The following BTBD8 variants were observed in gnomAD, a reference collection of about 807,000 sequenced individuals.
BTBD8 encodes the protein BTB domain containing 8, also known as BTB/POZ domain-containing protein 8.
Under a neutral mutation model 162.9 loss-of-function variants are expected in BTBD8, and 110 were observed. The observed-to-expected ratio is 0.68, with a 90% CI of 0.58 to 0.79. BTBD8 has a LOEUF of 0.79. Among genes scored for constraint, BTBD8 ranks in the 30% least tolerant of loss-of-function variants. BTBD8 has a pLI of 0.00. For missense variants in BTBD8, 1,905 were observed against 2,085.4 expected, an observed-to-expected ratio of 0.91 and a Z score of 1.68; for synonymous variants, 667 against 716.1, an observed-to-expected ratio of 0.93 and a Z score of 1.10.
chr1:92,141,769 G>C (rs943773695), intron 7 of BTBD8, among the ~76,000 whole-genome samples: 12 of 151,978 alleles, frequency 7.9e-5, no homozygotes, highest in Non-Finnish European at 1.8e-4. Flanking sequence ...GATTACCCAT[G>C]GTTTTAATAC....
chr1:92,177,319 T>C lies in BTBD8; in HGVS notation c.2126T>C (p.Leu709Ser). ...NLNVQAKAKP[L>S]KKATGKDSPC... ...AATGTGCAAGCCAAAGCAAAGCCTT[T>C]GAAGAAAGCTACAGGGAAGGATTCA... is the stretch of plus-strand genomic sequence containing the variant. The change falls in exon 14 of 18, where the codon TTG becomes TCG. Residue 709 changes from leucine (L) to serine (S), a missense_variant. Physicochemically the swap from Leu to Ser is moderately radical, Grantham distance 145. Coordinates refer to ENST00000636805, the MANE Select transcript of BTBD8 (RefSeq NM_001376131.1). 1 of 1,551,908 alleles carries C rather than the reference T, an allele frequency of 6.4e-7. No individual in the cohort carries two copies. Among genetic ancestry groups the C allele is most frequent in the Admixed American group, 2.0e-5 (1 of 51,008 alleles).
intron 9 of BTBD8, among the ~76,000 whole-genome samples, chr1:92,162,074 G>A (rs531289630): frequency 6.6e-6 from 1 of 151,426 alleles, no homozygotes; most frequent in South Asian, 2.1e-4. Context: ...TCTACCACTT[G>A]AAAAACAGTG....
intron 7 of BTBD8, among the ~76,000 whole-genome samples, chr1:92,142,802 A>G (rs1375772246): frequency 1.3e-5 from 2 of 152,254 alleles, no homozygotes; most frequent in Non-Finnish European, 2.9e-5. Context: ...TAAAGGAGCC[A>G]TTACATCAAT....
intron 1 of BTBD8, among the ~76,000 whole-genome samples, chr1:92,082,338 A>G (rs1648040229): frequency 6.6e-6 from 1 of 152,254 alleles, no homozygotes; most frequent in Non-Finnish European, 1.5e-5. Flanking sequence ...TGAAGTATCT[A>G]GCACTGACCA....
chr1:92,108,113 G>A (rs11166163), intron 4 of BTBD8, 112 bp downstream of exon 4: 281,644 of 1,003,320 alleles, frequency 0.28, 42,499 homozygotes, highest in Admixed American at 0.35. Flanking sequence ...ACAGGCCACA[G>A]GGGTTCCATG....
intron 13 of BTBD8, among the ~76,000 whole-genome samples, chr1:92,174,504 C>T (rs1182915176): frequency 1.3e-5 from 2 of 151,960 alleles, no homozygotes; most frequent in Non-Finnish European, 2.9e-5. Flanking sequence ...TCACCCATAG[C>T]GTAATACTTC....
chr1:92,134,604 C>G (rs1448900523), intron 5 of BTBD8, among the ~76,000 whole-genome samples: 1 of 152,216 alleles, frequency 6.6e-6, no homozygotes, highest in Non-Finnish European at 1.5e-5. Context: ...TCCTCAGTTA[C>G]TCTCTCTTAT....
Position 92,180,278 on chromosome 1 carries a change from G to A in BTBD8, c.2595G>A (p.Glu865=). The change falls in exon 17 of 18, where the codon GAG becomes GAA. Residue 865 remains glutamate, a synonymous_variant. Transcript: ENST00000636805. ...TACTTTTCTTAGGATCCCAAGGAGA[G>A]TCACCAAACTCAGTAAAATCTTCAG... ...NLTKTQGSQG[E]SPNSVKSSVS... 3 of 1,542,966 alleles carry A rather than the reference G, an allele frequency of 1.9e-6. No homozygotes were observed. In the South Asian group the frequency reaches 3.7e-5, roughly 19 times the overall value.
chr1:92,159,437 A>G (rs1650237009), intron 9 of BTBD8, among the ~76,000 whole-genome samples: 1 of 151,808 alleles, frequency 6.6e-6, no homozygotes, highest in Non-Finnish European at 1.5e-5. Flanking sequence ...TTAGCCTCCC[A>G]AAGTGCCTGG....
chr1:92,180,469 G>T lies in BTBD8; in HGVS notation c.2786G>T (p.Gly929Val), dbSNP rs778723037. 1.3e-6 allele frequency: 2 copies of T among 1,550,578 alleles called. No homozygotes were observed. The highest frequency in any genetic ancestry group is 1.7e-6 in the Non-Finnish European group (2 of 1,146,708). Residue 929 changes from glycine (G) to valine (V), a missense_variant, in exon 17 of 18, where the codon GGT becomes GTT. By Grantham distance (109) the Gly-to-Val change is moderately radical. Around this residue, in one of 3 missense-constraint regions of BTBD8, gnomAD observed 1,374 missense variants for 1,442.7 expected, o/e 0.95. Coordinates refer to ENST00000636805, the MANE Select transcript of BTBD8 (RefSeq NM_001376131.1). ...AAAAATCTAAATCAGTCAAAGAAAG[G>T]TGAAACTTTGAATAATAAAGATTCA... The part of the protein sequence containing the change: ...MPKNLNQSKK[G>V]ETLNNKDSKQ...
chr1:92,094,034 T>C (rs1648384988), intron 2 of BTBD8, among the ~76,000 whole-genome samples: 1 of 152,258 alleles, frequency 6.6e-6, no homozygotes, highest in Non-Finnish European at 1.5e-5. Flanking sequence ...AGCACTGGAC[T>C]TGGCAGTAAG....
At chr1:92,139,480 T>C in intron 6 of BTBD8, 50 bp downstream of exon 6, 1 of 1,576,574 alleles carries the variant, frequency 6.3e-7, no homozygotes, top group Non-Finnish European at 8.6e-7. Flanking sequence ...TAGGTTCTGC[T>C]TTGTTGAGCT....
rs757948429 is a variant in BTBD8 at position 92,184,040 on chromosome 1, G to A, written c.5089G>A (p.Asp1697Asn). The A allele has an allele frequency of 2.6e-6, 4 of 1,551,488 alleles. No homozygotes were observed. The highest frequency in any genetic ancestry group is 2.4e-5 in the East Asian group (1 of 40,934). Reference sequence around the variant, plus strand: ...AGATGACCAACATTTTGCAAAACAAGATTGGACACTACTAAAGCAACTGCT... The same window carrying A: ...AGATGACCAACATTTTGCAAAACAAAATTGGACACTACTAAAGCAACTGCT... Reference protein sequence around the residue: ...FEDDQHFAKQDWTLLKQLLSE... With the variant: ...FEDDQHFAKQNWTLLKQLLSE... The change falls in exon 18 of 18, where the codon GAT becomes AAT. Residue 1697 changes from aspartate to asparagine, a missense_variant. By Grantham distance (23) the Asp-to-Asn change is conservative (BLOSUM62 1). This residue lies in a region of BTBD8 where 517 missense variants were observed against 606.6 expected (regional missense o/e 0.85). Transcript: ENST00000636805.
At chr1:92,091,890 C>T (rs1209697144) in intron 2 of BTBD8, among the ~76,000 whole-genome samples, 2 of 152,134 alleles carry the variant, frequency 1.3e-5, no homozygotes, top group African/African-American at 4.8e-5. Flanking sequence ...GTCACAGCAC[C>T]AATTTTTCCT....
At position 92,178,677 on chromosome 1, in the gene BTBD8, G is replaced by C. The variant is rs943450586; in HGVS notation, c.2581+226G>C. The stretch of plus-strand genomic sequence containing the variant: ...TTCTGTTGTTGTTATTGTTGAGACA[G>C]GGTCTTGCTCTGTCACCCAGGCTGG... On this transcript the variant is annotated intron_variant, in intron 16 of 17. Coordinates refer to ENST00000636805, the MANE Select transcript of BTBD8 (RefSeq NM_001376131.1). Among the ~76,000 whole-genome samples, 4 of 152,152 alleles carry C rather than the reference G, an allele frequency of 2.6e-5. No individual in the cohort carries two copies. The South Asian group carries it at 8.3e-4, about 31-fold the overall frequency.
At chr1:92,119,271 ATTTTTTTC>A (rs1388267908) in intron 4 of BTBD8, among the ~76,000 whole-genome samples, 1 of 148,168 alleles carries the variant, frequency 6.7e-6, no homozygotes, top group African/African-American at 2.5e-5. Context: ...AGCTGTACAA[ATTTTTTTC>A]TTTTTTTCTT....
rs144637174 is a variant in BTBD8, at chr1:92,131,194, A to G, written c.752+1418A>G. 1.8e-3 allele frequency among the ~76,000 whole-genome samples: 276 copies of G among 152,292 alleles called. 3 individuals are homozygous for G. The highest frequency in any genetic ancestry group is 5.9e-3 in the African/African-American group (244 of 41,568). On this transcript the variant is annotated intron_variant, in intron 5 of 17. Transcript: ENST00000636805. ...TCAGAAATATACATTTAGAGACTAG[A>G]TATACAAATTGGCTGTTCAATGGTC...
intron 16 of BTBD8, 34 bp from the exon 17 acceptor site, chr1:92,180,231 T>G: frequency 7.0e-7 from 1 of 1,427,594 alleles, no homozygotes; most frequent in Non-Finnish European, 9.3e-7. Context: ...GAGGTGATAT[T>G]ACATTACTGA....
chr1:92,160,762 A>G (rs1650256983), intron 9 of BTBD8, among the ~76,000 whole-genome samples: 1 of 152,122 alleles, frequency 6.6e-6, no homozygotes, highest in South Asian at 2.1e-4. Context: ...AACTAGTCGC[A>G]TGCAACATCA....
Sources: gnomAD v4.1 joint callset for allele counts (sites outside exome capture counted in the v4.1 genomes callset) on GRCh38, gnomAD v4.1.1 for gene constraint, gnomAD v4.1.1 regional missense constraint, MANE v1.5 for transcripts, NCBI Gene and HGNC (gene_info 2026-07-23, HGNC 2026-07-21) for gene names.